The following SPATA6L variants were observed in gnomAD, a reference collection of about 807,000 sequenced individuals.
SPATA6L encodes the protein spermatogenesis associated 6 like.
Under a neutral mutation model 49.2 loss-of-function variants are expected in SPATA6L, and 68 were observed. That is an observed-to-expected ratio of 1.38 (90% CI 1.14 to 1.69). The LOEUF (loss-of-function observed/expected upper bound fraction) is 1.69, where lower values mean the gene tolerates loss of function less well. SPATA6L is among the 40% of genes most tolerant of loss of function. The probability of loss-of-function intolerance (pLI) is 0.00; values close to 1 mark genes in which losing one functional copy is unlikely to be tolerated. For synonymous variants in SPATA6L, 198 were observed against 165.7 expected (o/e 1.19, Z -1.50); for missense variants, 668 against 464.3 (o/e 1.44, Z -4.03).
At chr9:4,646,327 G>T in intron 3 of SPATA6L, 1 of 417,902 alleles carries the variant, frequency 2.4e-6, no homozygotes, top group South Asian at 9.6e-5. Flanking sequence ...AAATTTAATA[G>T]ATTGGCAGAA....
In SPATA6L at chr9:4,625,522, T is replaced by C. The variant is rs372267759; in HGVS notation, c.474A>G (p.Glu158=). Residue 158 remains glutamate, a synonymous_variant, in exon 6 of 12, where the codon GAA becomes GAG. Transcript: ENST00000682582. ...TTATAGTATTTAAGGGAAATATTGGTTCATGTGATGTAGATAAAGGCCTCC... is the reference window on the plus strand; with the variant it reads ...TTATAGTATTTAAGGGAAATATTGGCTCATGTGATGTAGATAAAGGCCTCC... ...ESRRPLSTSH[E]PIFPLNTIKM... is the part of the protein sequence containing the mutation. 7 of 1,613,190 alleles carry C rather than the reference T, an allele frequency of 4.3e-6. No homozygotes were observed. The highest frequency in any genetic ancestry group is 1.3e-5 in the African/African-American group (1 of 75,030).
At chr9:4,661,421 A>G (rs1839700246) in intron 2 of SPATA6L, among the ~76,000 whole-genome samples, 2 of 152,336 alleles carry the variant, frequency 1.3e-5, no homozygotes, top group Admixed American at 1.3e-4. Flanking sequence ...CTGTAGCTAA[A>G]TAATCTAGGT....
At chr9:4,597,368 A>G (rs867860663), downstream of SPATA6L, among the ~76,000 whole-genome samples, 1 of 135,862 alleles carries the variant, frequency 7.4e-6, no homozygotes, top group African/African-American at 2.8e-5. Context: ...ACACACACAC[A>G]CGGTGGGGCG....
intron 8 of SPATA6L, among the ~76,000 whole-genome samples, 173 bp from the exon 9 acceptor site, chr9:4,618,283 T>C (rs911977037): frequency 1.3e-5 from 2 of 151,930 alleles, no homozygotes; most frequent in Admixed American, 1.3e-4. Flanking sequence ...AGTGACAAAA[T>C]GCTCAGGAGT....
chr9:4,616,099 C>T (rs868716704), intron 9 of SPATA6L, among the ~76,000 whole-genome samples: 1 of 152,024 alleles, frequency 6.6e-6, no homozygotes, highest in Non-Finnish European at 1.5e-5. Context: ...CAGTGAGACC[C>T]CATCTTTACA....
At chr9:4,640,861 T>A (rs1393490835) in intron 3 of SPATA6L, among the ~76,000 whole-genome samples, 1 of 152,244 alleles carries the variant, frequency 6.6e-6, no homozygotes, top group Non-Finnish European at 1.5e-5. Context: ...ACAGTTCCCA[T>A]TGTGCATCTT....
intron 3 of SPATA6L, among the ~76,000 whole-genome samples, chr9:4,636,150 T>C (rs1832767658): frequency 6.6e-6 from 1 of 152,200 alleles, no homozygotes; most frequent in African/African-American, 2.4e-5. Flanking sequence ...ACTGAATTTT[T>C]CCAAGTACCG....
chr9:4,613,726 G>A (rs1376323467), intron 9 of SPATA6L, among the ~76,000 whole-genome samples: 1 of 152,076 alleles, frequency 6.6e-6, no homozygotes, highest in Non-Finnish European at 1.5e-5. Flanking sequence ...TGAGACTACA[G>A]GTATAAGCCA....
At chr9:4,623,114 T>C (rs1829707087) in intron 6 of SPATA6L, among the ~76,000 whole-genome samples, 1 of 152,124 alleles carries the variant, frequency 6.6e-6, no homozygotes, top group Admixed American at 6.6e-5. Flanking sequence ...ACCCCGTCTC[T>C]ACTAAAAATA....
At chr9:4,629,261 C>G (rs1470842761) in intron 4 of SPATA6L, 93 bp from the exon 5 acceptor site, 2 of 792,912 alleles carry the variant, frequency 2.5e-6, no homozygotes, top group Non-Finnish European at 4.1e-6. Context: ...AACCTAACTG[C>G]TCTTCTGTGT....
intron 3 of SPATA6L, among the ~76,000 whole-genome samples, chr9:4,644,080 C>T (rs1834678744): frequency 6.8e-6 from 1 of 147,606 alleles, no homozygotes. Flanking sequence ...GGCATGGTGG[C>T]TCATGCCTAT....
At chr9:4,622,631 G>A (rs1398606163) in intron 6 of SPATA6L, 121 bp from the exon 7 acceptor site, 4 of 657,880 alleles carry the variant, frequency 6.1e-6, no homozygotes, top group Non-Finnish European at 7.8e-6. Context: ...AAAGAAGGCT[G>A]GAAAACCACC....
Position 4,658,945 on chromosome 9 carries a change from G to C in SPATA6L, c.178-2856C>G, listed in dbSNP as rs1266870427. On this transcript the variant is annotated intron_variant, in intron 2 of 11. Transcript: ENST00000682582. ...AGCCTAGGTGACAGAGCAACACTCTGTCTCCAAAAAAAAAAAAAAAAAAGG... is the reference window on the plus strand; with the variant it reads ...AGCCTAGGTGACAGAGCAACACTCTCTCTCCAAAAAAAAAAAAAAAAAAGG... Among the ~76,000 whole-genome samples, 7 of 90,536 alleles carry C rather than the reference G, an allele frequency of 7.7e-5. No individual in the cohort carries two copies. In the South Asian group the frequency reaches 2.7e-3, roughly 35 times the overall value. 59.4% of individuals were successfully genotyped at this position (90,536 alleles called of 152,430 possible). A position where few individuals can be genotyped will look rare whatever the true frequency, so the allele number is the denominator to read the frequency against.
chr9:4,626,064 CT>C, intron 5 of SPATA6L: 1 of 162,540 alleles, frequency 6.2e-6, no homozygotes, highest in Non-Finnish European at 1.4e-5. Flanking sequence ...TACAAACTCC[CT>C]TTTTTGCTTT....
intron 5 of SPATA6L, chr9:4,626,926 T>C (rs1001729767): frequency 1.8e-5 from 3 of 163,650 alleles, no homozygotes; most frequent in African/African-American, 7.2e-5. Flanking sequence ...AAAAGTGTGA[T>C]GTGTGTACAG....
At position 4,651,425 on chromosome 9, in the gene SPATA6L, T is replaced by G. The variant is rs200425741; in HGVS notation, c.226+4616A>C. On this transcript the variant is annotated intron_variant, in intron 3 of 11. Coordinates refer to ENST00000682582, the MANE Select transcript of SPATA6L (RefSeq NM_001353486.2). Reference sequence around the variant, plus strand: ...ATGGCTTCACTGGTAAATACTACCTTAAGAATTAACACCAATTATTCACAA... The same window carrying G: ...ATGGCTTCACTGGTAAATACTACCTGAAGAATTAACACCAATTATTCACAA... Among the ~76,000 whole-genome samples, 3 of 152,162 alleles carry G rather than the reference T, an allele frequency of 2.0e-5. No homozygotes were observed. The East Asian group carries it at 5.8e-4, about 29-fold the overall frequency.
chr9:4,662,827 T>C lies in SPATA6L; in HGVS notation c.40-791A>G. On this transcript the variant is annotated intron_variant, in intron 1 of 11. Coordinates refer to ENST00000682582, the MANE Select transcript of SPATA6L (RefSeq NM_001353486.2). The surrounding 1 kb of genome is among the most constrained non-coding windows in gnomAD (Gnocchi z 4.9). ...GGCATCCCCTGGCTGCTGGGCACCCTCTACTGCCTGTGCAGGAGCGACAGC... is the reference window on the plus strand; with the variant it reads ...GGCATCCCCTGGCTGCTGGGCACCCCCTACTGCCTGTGCAGGAGCGACAGC... 6.2e-7 allele frequency: 1 copy of C among 1,605,164 alleles called. No homozygotes were observed. The highest frequency in any genetic ancestry group is 1.1e-5 in the South Asian group (1 of 91,084).
intron 2 of SPATA6L, 66 bp from the exon 3 acceptor site, chr9:4,656,155 A>C (rs1320074023): frequency 2.9e-6 from 4 of 1,362,052 alleles, no homozygotes; most frequent in Non-Finnish European, 3.1e-6. Context: ...AGAAACTGTA[A>C]ATGCCAGGTG....
chr9:4,595,088 C>T (rs1463469816), downstream of SPATA6L, among the ~76,000 whole-genome samples: 1 of 152,180 alleles, frequency 6.6e-6, no homozygotes, highest in Non-Finnish European at 1.5e-5. Flanking sequence ...TATGAATCCA[C>T]AAAATGAAGG....
Sources: gnomAD v4.1 joint callset for allele counts (sites outside exome capture counted in the v4.1 genomes callset) on GRCh38, gnomAD v4.1.1 for gene constraint, Gnocchi (gnomAD v3.1) non-coding constraint, MANE v1.5 for transcripts, NCBI Gene and HGNC (gene_info 2026-07-23, HGNC 2026-07-21) for gene names.